KIF2A: variants seen among roughly 807,000 people sequenced by gnomAD.
The protein encoded by KIF2A is kinesin-like protein KIF2A.
A neutral mutation model predicts 100.2 loss-of-function variants in KIF2A; 22 were observed. The ratio of observed to expected loss-of-function variants is 0.22; its 90% CI spans 0.16 to 0.31. The LOEUF is 0.31. KIF2A is among the 10% of genes least tolerant of loss of function. The pLI is 1.00. For missense variants in KIF2A, 495 were observed against 898.7 expected (o/e 0.55, Z 5.74); for synonymous variants, 268 against 285.9 (o/e 0.94, Z 0.63).
chr5:62,389,151 C>A lies in KIF2A; in HGVS notation c.*3582C>A. The A allele has an allele frequency of 8.4e-6, 9 of 1,077,360 alleles. No individual in the cohort carries two copies. In the South Asian group the frequency reaches 1.2e-4, roughly 14 times the overall value. 66.7% of individuals were successfully genotyped at this position (1,077,360 alleles called of 1,614,324 possible). A position where few individuals can be genotyped will look rare whatever the true frequency, so the allele number is the denominator to read the frequency against. The stretch of plus-strand genomic sequence containing the variant: ...CATTAATACTAAAACATGAATACAG[C>A]ATGCTTACAGAGCCCACCCACTCCT... On this transcript the variant is annotated 3_prime_UTR_variant, in exon 21 of 21. Coordinates refer to ENST00000407818, the MANE Select transcript of KIF2A (RefSeq NM_001098511.3).
rs1171966030 is a variant in KIF2A, at chr5:62,361,370, TAC to T, written c.963+40_963+41del. 4 of 1,498,754 alleles carry T rather than the reference TAC, an allele frequency of 2.7e-6. No individual in the cohort carries two copies. The South Asian group carries it at 4.6e-5, about 17-fold the overall frequency. 92.8% of individuals were successfully genotyped at this position (1,498,754 alleles called of 1,614,324 possible). A position where few individuals can be genotyped will look rare whatever the true frequency, so the allele number is the denominator to read the frequency against. Reference sequence around the variant, plus strand: ...TTAAAGTTACATTCTGGTACGAAGCTACAGTTTCTTTTCCTTATAGCTTAATT... The same window carrying T: ...TTAAAGTTACATTCTGGTACGAAGCTAGTTTCTTTTCCTTATAGCTTAATT... On this transcript the variant is annotated intron_variant, in intron 10 of 20. Transcript: ENST00000407818.
At chr5:62,350,666 CT>C (rs1164022750) in intron 4 of KIF2A, among the ~76,000 whole-genome samples, 3 of 152,068 alleles carry the variant, frequency 2.0e-5, no homozygotes, top group Non-Finnish European at 4.4e-5. Context: ...AATCTCCACA[CT>C]TTGGGAGGCT....
chr5:62,335,115 C>T (rs1356056175), intron 1 of KIF2A, among the ~76,000 whole-genome samples: 1 of 152,250 alleles, frequency 6.6e-6, no homozygotes, highest in East Asian at 1.9e-4. Context: ...ACCACTGCTC[C>T]TGCTGTGGCT....
intron 1 of KIF2A, among the ~76,000 whole-genome samples, chr5:62,315,580 C>A (rs1475161462): frequency 6.6e-6 from 1 of 152,120 alleles, no homozygotes; most frequent in Non-Finnish European, 1.5e-5. Context: ...AAGTCCCTGA[C>A]TGGAAACAAA....
intron 1 of KIF2A, among the ~76,000 whole-genome samples, chr5:62,319,497 G>C (rs764250061): frequency 7.2e-5 from 11 of 152,090 alleles, no homozygotes; most frequent in Non-Finnish European, 1.3e-4. Context: ...CCTAAGATGG[G>C]TCCCCTGCTT....
chr5:62,306,351 C>T lies in KIF2A; in HGVS notation c.-122C>T, dbSNP rs1745265378. ...GCGGCCCCGCTTGCGTTCACGCTGT[C>T]GCCCGGGCCGGCGCGGCCGCGGGCA... On this transcript the variant is annotated 5_prime_UTR_variant, in exon 1 of 21. Transcript: ENST00000407818. 2.6e-6 allele frequency: 2 copies of T among 776,788 alleles called. No homozygotes were observed. Among genetic ancestry groups the T allele is most frequent in the South Asian group, 1.7e-5 (1 of 58,536 alleles). The allele number at this position is 776,788 out of a possible 1,614,324, so 48.1% of individuals were successfully genotyped here. A position where few individuals can be genotyped will look rare whatever the true frequency, so the allele number is the denominator to read the frequency against.
At position 62,386,629 on chromosome 5, in the gene KIF2A, A is replaced by C. The variant is rs1230127864; in HGVS notation, c.*1060A>C. 8.5e-5 allele frequency among the ~76,000 whole-genome samples: 13 copies of C among 152,236 alleles called. No homozygotes were observed. Among genetic ancestry groups the C allele is most frequent in the African/African-American group, 2.9e-4 (12 of 41,462 alleles). ...AGTTTAAGCCAAGTGTAGACAGTAC[A>C]TTACTCCCTTGAAAAAGAATTAAGT... On this transcript the variant is annotated 3_prime_UTR_variant, in exon 21 of 21. Transcript: ENST00000407818.
chr5:62,357,810 T>C lies in KIF2A; in HGVS notation c.709+65T>C, dbSNP rs1035916945. On this transcript the variant is annotated intron_variant, in intron 8 of 20. Coordinates refer to ENST00000407818, the MANE Select transcript of KIF2A (RefSeq NM_001098511.3). ...TCTTATTTGTAATGTATTTTTATAATAGCAAATCAAATTGGTTTGGAAAAA... is the reference window on the plus strand; with the variant it reads ...TCTTATTTGTAATGTATTTTTATAACAGCAAATCAAATTGGTTTGGAAAAA... 6.1e-6 allele frequency: 6 copies of C among 987,668 alleles called. No homozygotes were observed. In the Admixed American group the frequency reaches 7.1e-5, roughly 12 times the overall value. 61.2% of individuals were successfully genotyped at this position (987,668 alleles called of 1,614,324 possible).
intron 18 of KIF2A, among the ~76,000 whole-genome samples, chr5:62,375,562 TCCTGCAA>T (rs764197206): frequency 1.1e-4 from 16 of 152,238 alleles, no homozygotes; most frequent in Non-Finnish European, 1.8e-4. Flanking sequence ...ACTCATTGCT[TCCTGCAA>T]TACAGTATTC....
chr5:62,358,106 A>C (rs761447499), intron 8 of KIF2A, 31 bp from the exon 9 acceptor site: 2 of 1,474,478 alleles, frequency 1.4e-6, no homozygotes, highest in African/African-American at 2.8e-5. Flanking sequence ...TGTGAAAATT[A>C]TTGGGCATTG....
intron 6 of KIF2A, among the ~76,000 whole-genome samples, chr5:62,353,885 G>A (rs1357314149): frequency 1.3e-5 from 2 of 152,086 alleles, no homozygotes; most frequent in Non-Finnish European, 2.9e-5. Context: ...TAGCAAGACT[G>A]TTTAATAGCA....
chr5:62,356,303 C>A (rs896884294), intron 7 of KIF2A, among the ~76,000 whole-genome samples: 2 of 152,256 alleles, frequency 1.3e-5, no homozygotes, highest in Admixed American at 1.3e-4. Context: ...TAGAGCTCAC[C>A]CTTTAGGACA....
intron 1 of KIF2A, among the ~76,000 whole-genome samples, chr5:62,308,030 C>T (rs1025942515): frequency 6.6e-5 from 10 of 152,160 alleles, no homozygotes; most frequent in African/African-American, 9.7e-5. Context: ...GACCAAGTTA[C>T]GTGAAGCTAG....
chr5:62,379,741 A>T (rs1448794220), intron 19 of KIF2A, among the ~76,000 whole-genome samples: 1 of 152,152 alleles, frequency 6.6e-6, no homozygotes, highest in Admixed American at 6.5e-5. Flanking sequence ...ACCTATGTTA[A>T]CCAGTTCTGT....
At chr5:62,370,027 G>T (rs1054669359) in intron 16 of KIF2A, among the ~76,000 whole-genome samples, 6 of 152,170 alleles carry the variant, frequency 3.9e-5, no homozygotes, top group Admixed American at 1.3e-4. Context: ...AGGACTAAAA[G>T]AAGTGATCTG....
At chr5:62,309,030 G>C (rs905453681) in intron 1 of KIF2A, among the ~76,000 whole-genome samples, 1 of 152,098 alleles carries the variant, frequency 6.6e-6, no homozygotes, top group Non-Finnish European at 1.5e-5. Flanking sequence ...TAAAAAATTA[G>C]GGTGCAATAA....
In KIF2A at chr5:62,351,003, G is replaced by A. The variant is rs112616141; in HGVS notation, c.334+883G>A. Among the ~76,000 whole-genome samples the A allele has an allele frequency of 3.9e-3, 592 of 152,042 alleles. 4 individuals carry two copies. Among genetic ancestry groups the A allele is most frequent in the African/African-American group, 0.014 (567 of 41,474 alleles). Reference sequence around the variant, plus strand: ...TCCCAGCACTTTGAGAGGCCGAGGCGGGCAGATAACCTGAGGTCAGAAGCT... The same window carrying A: ...TCCCAGCACTTTGAGAGGCCGAGGCAGGCAGATAACCTGAGGTCAGAAGCT... On this transcript the variant is annotated intron_variant, in intron 4 of 20. Coordinates refer to ENST00000407818, the MANE Select transcript of KIF2A (RefSeq NM_001098511.3).
Position 62,373,797 on chromosome 5 carries a change from C to G in KIF2A, c.1871C>G (p.Ser624Cys). The change falls in exon 18 of 21, where the codon TCC (serine) becomes TGC (cysteine). Residue 624 changes from serine to cysteine, a missense_variant. By Grantham distance (112) the Ser-to-Cys change is moderately radical. Transcript: ENST00000407818. ...DLETQWGVGS[S>C]PQRDDLKLLC... The stretch of plus-strand genomic sequence containing the variant: ...GAGACACAGTGGGGTGTGGGGAGTT[C>G]CCCTCAGAGAGATGATCTAAAACTT... 6.2e-7 allele frequency: 1 copy of G among 1,612,712 alleles called. No homozygotes were observed. The highest frequency in any genetic ancestry group is 8.5e-7 in the Non-Finnish European group (1 of 1,178,808).
chr5:62,316,374 A>T (rs907649762), intron 1 of KIF2A, among the ~76,000 whole-genome samples: 1 of 152,090 alleles, frequency 6.6e-6, no homozygotes, highest in African/African-American at 2.4e-5. Flanking sequence ...GCTCTTTTTT[A>T]CTTTTTCTTT....
Sources: gnomAD v4.1 joint callset for allele counts (sites outside exome capture counted in the v4.1 genomes callset) on GRCh38, gnomAD v4.1.1 for gene constraint, MANE v1.5 for transcripts, NCBI Gene and HGNC (gene_info 2026-07-23, HGNC 2026-07-21) for gene names.